The following KIAA1217 variants were observed in gnomAD, a reference collection of about 807,000 sequenced individuals.
KIAA1217 encodes the protein sickle tail protein homolog.
Under a neutral mutation model 163.9 loss-of-function variants are expected in KIAA1217, and 88 were observed. The observed-to-expected ratio is 0.54, with a 90% CI of 0.45 to 0.64. The LOEUF is 0.64. Among genes scored for constraint, KIAA1217 ranks in the 30% least tolerant of loss-of-function variants. The probability of loss-of-function intolerance (pLI) is 0.00; values close to 1 mark genes in which losing one functional copy is unlikely to be tolerated. For missense variants in KIAA1217, 2,372 were observed against 2,475.0 expected (o/e 0.96, Z 0.88); for synonymous variants, 903 against 923.1 (o/e 0.98, Z 0.39).
intron 2 of KIAA1217, among the ~76,000 whole-genome samples, chr10:24,078,471 C>A (rs78598701): frequency 6.6e-6 from 1 of 152,298 alleles, no homozygotes; most frequent in Middle Eastern, 3.4e-3. Context: ...TAGCTTTACA[C>A]GGCACACTTT....
intron 2 of KIAA1217, among the ~76,000 whole-genome samples, chr10:24,050,345 A>G (rs1481389944): frequency 6.6e-6 from 1 of 152,138 alleles, no homozygotes; most frequent in Non-Finnish European, 1.5e-5. Flanking sequence ...TTTTGTTGCC[A>G]TTGCTTCTGG....
At chr10:24,370,125 C>T (rs1053426660) in intron 2 of KIAA1217, among the ~76,000 whole-genome samples, 5 of 152,002 alleles carry the variant, frequency 3.3e-5, no homozygotes, top group South Asian at 2.1e-4. Flanking sequence ...CTTAGCCAGG[C>T]GTGATGGCGG....
chr10:23,828,552 AC>A (rs1838014737), intron 1 of KIAA1217, among the ~76,000 whole-genome samples: 1 of 152,148 alleles, frequency 6.6e-6, no homozygotes, highest in African/African-American at 2.4e-5. Flanking sequence ...ACCACTTATA[AC>A]TTTTTGTCTA....
At chr10:24,335,036 G>T (rs2046166045) in intron 2 of KIAA1217, among the ~76,000 whole-genome samples, 1 of 152,098 alleles carries the variant, frequency 6.6e-6, no homozygotes, top group Non-Finnish European at 1.5e-5. Flanking sequence ...CAACCCAAAT[G>T]TCCATCAACT....
At chr10:24,531,799 A>T (rs2073167537) in intron 14 of KIAA1217, 31 bp from the exon 15 acceptor site, 2 of 1,522,038 alleles carry the variant, frequency 1.3e-6, no homozygotes, top group African/African-American at 1.4e-5. Context: ...TTGAAAAAAG[A>T]TTATTCTTGT....
intron 1 of KIAA1217, among the ~76,000 whole-genome samples, chr10:23,977,455 G>A (rs1845587235): frequency 6.6e-6 from 1 of 152,108 alleles, no homozygotes; most frequent in Admixed American, 6.6e-5. Context: ...TGAGAGTGAA[G>A]TCTTTGCTGA....
intron 2 of KIAA1217, among the ~76,000 whole-genome samples, chr10:24,172,641 A>G (rs1175016027): frequency 6.6e-6 from 1 of 152,228 alleles, no homozygotes; most frequent in Non-Finnish European, 1.5e-5. Context: ...ACATCATAAG[A>G]CTATATAGGT....
At chr10:24,533,510 T>G (rs2073451025) in intron 16 of KIAA1217, among the ~76,000 whole-genome samples, 1 of 152,234 alleles carries the variant, frequency 6.6e-6, no homozygotes, top group South Asian at 2.1e-4. Flanking sequence ...TCTTTCCATC[T>G]TAAGAGATTC....
At chr10:23,805,388 A>C (rs1836687000) in intron 1 of KIAA1217, among the ~76,000 whole-genome samples, 1 of 152,180 alleles carries the variant, frequency 6.6e-6, no homozygotes, top group African/African-American at 2.4e-5. Flanking sequence ...ACATGGATGG[A>C]GCTGGAGGCC....
rs538806162 is a variant in KIAA1217 at position 24,440,011 on chromosome 10, G to A, written c.846+1532G>A. 1.6e-4 allele frequency among the ~76,000 whole-genome samples: 25 copies of A among 152,348 alleles called. No homozygotes were observed. The South Asian group carries it at 5.0e-3, about 30-fold the overall frequency. On this transcript the variant is annotated intron_variant, in intron 5 of 20. Transcript: ENST00000376454. ...ATAAAAGAAGCCAGCAGATCTAGCT[G>A]AAAGTGCTGGGAGAAGGTCTGTCCT...
At chr10:24,434,842 A>G (rs1485068607) in intron 4 of KIAA1217, among the ~76,000 whole-genome samples, 1 of 152,238 alleles carries the variant, frequency 6.6e-6, no homozygotes, top group Non-Finnish European at 1.5e-5. Context: ...ACTCAGACGC[A>G]TAAAATTTGA....
chr10:24,176,094 G>A (rs1430012394), intron 2 of KIAA1217, among the ~76,000 whole-genome samples: 1 of 152,210 alleles, frequency 6.6e-6, no homozygotes, highest in Non-Finnish European at 1.5e-5. Context: ...TTTACAGAGA[G>A]CTGATTGGTC....
At chr10:23,876,827 C>A (rs907021226) in intron 1 of KIAA1217, among the ~76,000 whole-genome samples, 2 of 151,792 alleles carry the variant, frequency 1.3e-5, no homozygotes, top group African/African-American at 4.8e-5. Context: ...ATGCTTAGGG[C>A]TGAGACTGTC....
intron 1 of KIAA1217, among the ~76,000 whole-genome samples, chr10:23,870,141 A>G (rs1283544631): frequency 6.6e-6 from 1 of 152,152 alleles, no homozygotes; most frequent in Non-Finnish European, 1.5e-5. Flanking sequence ...GGTAAAATCC[A>G]GCTGGGCTGG....
rs574541178 is a variant in KIAA1217 at position 24,534,089 on chromosome 10, G to A, written c.3414+852G>A. 3.9e-5 allele frequency among the ~76,000 whole-genome samples: 6 copies of A among 152,336 alleles called. No individual in the cohort carries two copies. The East Asian group carries it at 5.8e-4, about 15-fold the overall frequency. On this transcript the variant is annotated intron_variant, in intron 16 of 20. Transcript: ENST00000376454. Reference sequence around the variant, plus strand: ...AAAAACATGTTAGCTTTTTACCGACGTACCAATGGCTTTGTGCCAACCCAT... The same window carrying A: ...AAAAACATGTTAGCTTTTTACCGACATACCAATGGCTTTGTGCCAACCCAT...
intron 2 of KIAA1217, among the ~76,000 whole-genome samples, chr10:24,372,055 G>T (rs1283007872): frequency 6.6e-6 from 1 of 152,142 alleles, no homozygotes; most frequent in Non-Finnish European, 1.5e-5. Flanking sequence ...CTCCTGGAGT[G>T]GGGAGGCAGG....
At chr10:23,959,854 G>C (rs1844743646) in intron 1 of KIAA1217, among the ~76,000 whole-genome samples, 1 of 150,612 alleles carries the variant, frequency 6.6e-6, no homozygotes, top group South Asian at 2.1e-4. Context: ...GGTATAGGGA[G>C]AATATCTCTG....
At chr10:24,382,790 G>A (rs886851199) in intron 3 of KIAA1217, among the ~76,000 whole-genome samples, 4 of 151,510 alleles carry the variant, frequency 2.6e-5, no homozygotes, top group East Asian at 1.9e-4. Context: ...CTTCCACACC[G>A]TCACCAGGCT....
intron 2 of KIAA1217, among the ~76,000 whole-genome samples, chr10:24,364,559 G>A (rs530778003): frequency 7.2e-4 from 109 of 152,232 alleles, no homozygotes; most frequent in African/African-American, 2.5e-3. Context: ...TTATTCCATT[G>A]CATCTTCTGA....
Sources: allele counts gnomAD v4.1 joint callset (sites outside exome capture counted in the v4.1 genomes callset), GRCh38; gene constraint gnomAD v4.1.1; transcripts MANE v1.5; gene names NCBI Gene and HGNC (gene_info 2026-07-23, HGNC 2026-07-21).